TACC2: variants seen among roughly 807,000 people sequenced by gnomAD.
TACC2 encodes the protein transforming acidic coiled-coil containing protein 2.
TACC2 carries 137 observed loss-of-function variants against 227.3 expected under a neutral mutation model. The observed-to-expected ratio is 0.60, with a 90% CI of 0.52 to 0.69. The LOEUF is 0.69. Ranked by LOEUF, TACC2 falls within the 30% of genes least tolerant of loss-of-function variation. TACC2 has a pLI of 0.00. For synonymous variants in TACC2, 1,523 were observed against 1,487.5 expected (o/e 1.02, Z -0.55); for missense variants, 3,470 against 3,694.4 (o/e 0.94, Z 1.57).
chr10:122,191,489 C>A (rs1482704434), intron 7 of TACC2, among the ~76,000 whole-genome samples: 1 of 152,082 alleles, frequency 6.6e-6, no homozygotes, highest in Non-Finnish European at 1.5e-5. Flanking sequence ...ATAAAATACA[C>A]TAACACTAAT....
At chr10:122,196,884 G>A (rs1282397157) in intron 8 of TACC2, among the ~76,000 whole-genome samples, 1 of 145,482 alleles carries the variant, frequency 6.9e-6, no homozygotes, top group African/African-American at 2.5e-5. Flanking sequence ...TGCAGTGAGC[G>A]GAGATCACAC....
intron 7 of TACC2, among the ~76,000 whole-genome samples, chr10:122,154,402 T>C (rs2092323832): frequency 6.6e-6 from 1 of 152,238 alleles, no homozygotes; most frequent in Admixed American, 6.5e-5. Context: ...CATGTCTTCC[T>C]GGAGTAATAG....
At chr10:122,144,261 T>TG (rs200016033) in intron 7 of TACC2, among the ~76,000 whole-genome samples, 2,103 of 152,298 alleles carry the variant, frequency 0.014, 46 homozygotes, top group African/African-American at 0.047. Flanking sequence ...CAAAATCTAC[T>TG]GATTTCAATA....
chr10:122,165,522 T>C (rs1312912671), intron 7 of TACC2, among the ~76,000 whole-genome samples: 1 of 152,216 alleles, frequency 6.6e-6, no homozygotes, highest in Non-Finnish European at 1.5e-5. Flanking sequence ...GGGCCGAGTT[T>C]AGATAGCTTC....
intron 13 of TACC2, among the ~76,000 whole-genome samples, chr10:122,226,864 C>T (rs953503375): frequency 2.6e-5 from 4 of 152,142 alleles, no homozygotes; most frequent in Non-Finnish European, 4.4e-5. Context: ...CCTATAATCT[C>T]GCCCAGTGCA....
chr10:122,100,444 G>A (rs1226232634), intron 5 of TACC2, among the ~76,000 whole-genome samples: 26 of 143,852 alleles, frequency 1.8e-4, no homozygotes, highest in South Asian at 6.7e-4. Context: ...TTTTTTTTGA[G>A]ATGGAGTCTT....
At chr10:122,118,410 G>C (rs1202365616) in intron 5 of TACC2, among the ~76,000 whole-genome samples, 1 of 152,156 alleles carries the variant, frequency 6.6e-6, no homozygotes, top group Admixed American at 6.5e-5. Context: ...GTTGTCTTGT[G>C]GTCAGCCGTG....
At chr10:122,004,255 G>A (rs1189180498) in intron 1 of TACC2, among the ~76,000 whole-genome samples, 3 of 151,904 alleles carry the variant, frequency 2.0e-5, no homozygotes, top group Non-Finnish European at 2.9e-5. Context: ...AAAATTAGTC[G>A]GGTGTGGTGG....
chr10:121,998,923 G>A (rs1275028817), intron 1 of TACC2, among the ~76,000 whole-genome samples: 2 of 152,020 alleles, frequency 1.3e-5, no homozygotes, highest in East Asian at 1.9e-4. Flanking sequence ...CCTGAAACAT[G>A]TATTTCTCCC....
In TACC2 at chr10:122,210,584, G is replaced by A; in HGVS notation, c.6159G>A (p.Glu2053=). The change falls in exon 9 of 23, where the codon GAG becomes GAA. Residue 2053 remains glutamate (E), a synonymous_variant. Coordinates refer to ENST00000369005, the MANE Select transcript of TACC2 (RefSeq NM_206862.4). The surrounding 1 kb of genome is among the most constrained non-coding windows in gnomAD (Gnocchi z 4.6). The stretch of plus-strand genomic sequence containing the variant: ...TTGTGGATACCTTTCAGACCTTGGA[G>A]CCTCGTGCCTCAGACGCTAAGAATC... ...IELVDTFQTL[E]PRASDAKNQE... is the part of the protein sequence containing the mutation. 2 of 1,614,136 alleles carry A rather than the reference G, an allele frequency of 1.2e-6. No individual in the cohort carries two copies. Among genetic ancestry groups the A allele is most frequent in the South Asian group, 1.1e-5 (1 of 91,068 alleles).
rs768609936 is a variant in TACC2, at chr10:122,085,787, C to T, written c.3287C>T (p.Pro1096Leu). ...QEGRQQPVPA[P>L]QQKMECWATS... ...GGCAGGCAGCAACCAGTGCCGGCCC[C>T]GCAGCAGAAAATGGAGTGCTGGGCC... The change falls in exon 4 of 23, where the codon CCG becomes CTG. Residue 1096 changes from proline (P) to leucine (L), a missense_variant. Physicochemically the swap from Pro to Leu is moderately conservative, Grantham distance 98. This residue lies in a region of TACC2 where 1,924 missense variants were observed against 1,978.3 expected (regional missense o/e 0.97). Transcript: ENST00000369005. 1.7e-5 allele frequency: 28 copies of T among 1,613,502 alleles called. No individual in the cohort carries two copies. The highest frequency in any genetic ancestry group is 8.3e-5 in the Admixed American group (5 of 59,988).
chr10:121,997,086 G>T (rs1953608824), intron 1 of TACC2, among the ~76,000 whole-genome samples: 1 of 152,156 alleles, frequency 6.6e-6, no homozygotes, highest in Non-Finnish European at 1.5e-5. Flanking sequence ...AGTCTCAGAT[G>T]CTGCAGAGAG....
In TACC2 at chr10:122,202,381, G is replaced by A. The variant is rs368461358; in HGVS notation, c.5971+7205G>A. Among the ~76,000 whole-genome samples, 78 of 142,066 alleles carry A rather than the reference G, an allele frequency of 5.5e-4. No individual in the cohort carries two copies. The East Asian group carries it at 0.015, about 28-fold the overall frequency. 93.2% of individuals were successfully genotyped at this position (142,066 alleles called of 152,430 possible). On this transcript the variant is annotated intron_variant, in intron 8 of 22. Transcript: ENST00000369005. ...CTCACTCTGTTGCCCAGGCTTCAGT[G>A]TAGTGGCACGACCTTGGCTCACCGC...
chr10:122,011,240 C>T (rs1249639734), intron 1 of TACC2, among the ~76,000 whole-genome samples: 4 of 152,176 alleles, frequency 2.6e-5, no homozygotes, highest in Non-Finnish European at 5.9e-5. Flanking sequence ...CATAGTGTGG[C>T]TGGGGAAGTG....
intron 2 of TACC2, among the ~76,000 whole-genome samples, chr10:122,043,512 T>G (rs1042283283): frequency 9.5e-6 from 1 of 105,518 alleles, no homozygotes; most frequent in Non-Finnish European, 1.8e-5. Context: ...TTTCTCTTTC[T>G]TTTTCTTTCT....
intron 5 of TACC2, among the ~76,000 whole-genome samples, chr10:122,117,640 A>G (rs1473287782): frequency 6.6e-6 from 1 of 152,188 alleles, no homozygotes; most frequent in Non-Finnish European, 1.5e-5. Context: ...ATCTCAGGTT[A>G]TTTACAGTCC....
At chr10:122,184,115 C>G (rs1414420810) in intron 7 of TACC2, among the ~76,000 whole-genome samples, 1 of 152,198 alleles carries the variant, frequency 6.6e-6, no homozygotes, top group Non-Finnish European at 1.5e-5. Flanking sequence ...ATTCCCATTC[C>G]TGACACTTCG....
chr10:122,206,515 C>G (rs564913823), intron 8 of TACC2, among the ~76,000 whole-genome samples: 3 of 152,356 alleles, frequency 2.0e-5, no homozygotes, highest in East Asian at 3.9e-4. Context: ...AAAAGGCCAT[C>G]TGCAAACCAA....
At chr10:122,108,450 T>C (rs2083181834) in intron 5 of TACC2, among the ~76,000 whole-genome samples, 1 of 144,440 alleles carries the variant, frequency 6.9e-6, no homozygotes, top group African/African-American at 2.5e-5. Flanking sequence ...TTCTTTTTTT[T>C]TTTTTTTTTT....
Sources: gnomAD v4.1 joint callset for allele counts (sites outside exome capture counted in the v4.1 genomes callset) on GRCh38, gnomAD v4.1.1 for gene constraint, gnomAD v4.1.1 regional missense constraint, Gnocchi (gnomAD v3.1) non-coding constraint, MANE v1.5 for transcripts, NCBI Gene and HGNC (gene_info 2026-07-23, HGNC 2026-07-21) for gene names.